The following KIF9 variants were observed in gnomAD, a reference collection of about 807,000 sequenced individuals.
The protein encoded by KIF9 is kinesin-like protein KIF9.
KIF9 carries 68 observed loss-of-function variants against 94.8 expected under a neutral mutation model. That is an observed-to-expected ratio of 0.72 (90% CI 0.59 to 0.88). The LOEUF (loss-of-function observed/expected upper bound fraction) is 0.88. KIF9 is among the 40% of genes least tolerant of loss of function. The probability of loss-of-function intolerance (pLI) is 0.00; values close to 1 mark genes in which losing one functional copy is unlikely to be tolerated. For synonymous variants in KIF9, 343 were observed against 362.1 expected, an observed-to-expected ratio of 0.95 and a Z score of 0.60; for missense variants, 882 against 982.5, an observed-to-expected ratio of 0.90 and a Z score of 1.37.
intron 9 of KIF9, among the ~76,000 whole-genome samples, chr3:47,261,372 T>A (rs1700962921): frequency 6.6e-6 from 1 of 152,000 alleles, no homozygotes; most frequent in African/African-American, 2.4e-5. Context: ...CCAAGGATAA[T>A]TATGGCTGGA....
At chr3:47,263,376 T>C (rs547310951) in intron 9 of KIF9, among the ~76,000 whole-genome samples, 2 of 152,146 alleles carry the variant, frequency 1.3e-5, no homozygotes, top group South Asian at 4.1e-4. Flanking sequence ...TTGGATAATC[T>C]CCCTGACTAA....
intron 17 of KIF9, among the ~76,000 whole-genome samples, chr3:47,236,849 G>T (rs1038346217): frequency 5.9e-5 from 9 of 152,204 alleles, no homozygotes; most frequent in Non-Finnish European, 2.9e-5. Context: ...GCATTTTAGG[G>T]CAAACAAGAG....
At position 47,241,884 on chromosome 3, in the gene KIF9, A is replaced by AT. The variant is rs199875749; in HGVS notation, c.1710-870dup. Among the ~76,000 whole-genome samples the AT allele has an allele frequency of 6.4e-3, 733 of 114,268 alleles. 14 individuals are homozygous for AT. Among genetic ancestry groups the AT allele is most frequent in the African/African-American group, 0.024 (674 of 27,946 alleles). 75.0% of individuals were successfully genotyped at this position (114,268 alleles called of 152,430 possible). A position where few individuals can be genotyped will look rare whatever the true frequency, so the allele number is the denominator to read the frequency against. On this transcript the variant is annotated intron_variant, in intron 16 of 20. Transcript: ENST00000684063. ...TATACACATATATATATATATATAT[A>AT]TTTTTTTTTTTTTTTCTTTGGAGAC...
chr3:47,247,563 T>C, intron 11 of KIF9, 86 bp from the exon 12 acceptor site: 1 of 1,029,392 alleles, frequency 9.7e-7, no homozygotes, highest in Non-Finnish European at 1.5e-6. Flanking sequence ...AGAGGCAAAG[T>C]GGGGAGGCTG....
At chr3:47,260,926 G>GGTGGACT (rs1282362516) in intron 9 of KIF9, among the ~76,000 whole-genome samples, 1 of 152,244 alleles carries the variant, frequency 6.6e-6, no homozygotes, top group Non-Finnish European at 1.5e-5. Flanking sequence ...CAACATCTCA[G>GGTGGACT]GTGGACTGAG....
intron 20 of KIF9, among the ~76,000 whole-genome samples, chr3:47,232,685 A>C (rs1698685597): frequency 6.6e-6 from 1 of 152,078 alleles, no homozygotes; most frequent in Non-Finnish European, 1.5e-5. Flanking sequence ...ACCTACAAAA[A>C]ACTATAAGGA....
chr3:47,265,894 A>C lies in KIF9; in HGVS notation c.769-17T>G. The C allele has an allele frequency of 6.2e-7, 1 of 1,614,094 alleles. No individual in the cohort carries two copies. The highest frequency in any genetic ancestry group is 8.5e-7 in the Non-Finnish European group (1 of 1,179,948). On this transcript the variant is annotated splice_polypyrimidine_tract_variant and intron_variant, in intron 7 of 20. Coordinates refer to ENST00000684063, the MANE Select transcript of KIF9 (RefSeq NM_182902.4). ...GCCCTCAGACTACAAAGCAAAGGTCAGTTCCACTTTGGATGGAATAAAGCA... is the reference window on the plus strand; with the variant it reads ...GCCCTCAGACTACAAAGCAAAGGTCCGTTCCACTTTGGATGGAATAAAGCA...
At position 47,243,060 on chromosome 3, in the gene KIF9, C is replaced by T. The variant is rs753372946; in HGVS notation, c.1700G>A (p.Arg567His). 1.0e-5 allele frequency: 16 copies of T among 1,604,818 alleles called. No individual in the cohort carries two copies. Among genetic ancestry groups the T allele is most frequent in the African/African-American group, 2.7e-5 (2 of 74,814 alleles). ...AACATTAGCTGATTACCTAATTGGG[C>T]GTAATTCCTCCTTCGGGGAGTCTGA... ...LPSDSPKEEL[R>H]PIRPDTPPSK... is the part of the protein sequence containing the mutation. The change falls in exon 16 of 21, where the codon CGC (arginine) becomes CAC (histidine). Residue 567 changes from arginine to histidine, a missense_variant. Coordinates refer to ENST00000684063, the MANE Select transcript of KIF9 (RefSeq NM_182902.4).
chr3:47,236,346 G>A (rs945792926), intron 18 of KIF9, 97 bp downstream of exon 18: 32 of 1,384,244 alleles, frequency 2.3e-5, no homozygotes, highest in Non-Finnish European at 3.2e-5. Flanking sequence ...GGCTCTGCCA[G>A]AGAGAAACTC....
rs758513292 is a variant in KIF9 at position 47,244,820 on chromosome 3, C to G, written c.1485G>C (p.Lys495Asn). Reference sequence around the variant, plus strand: ...GTGGCTCTTTGAATGTCTTCTTGGACTTGGCTTTCTTCCCAGGTTTGGTAG... The same window carrying G: ...GTGGCTCTTTGAATGTCTTCTTGGAGTTGGCTTTCTTCCCAGGTTTGGTAG... ...PFSTKPGKKA[K>N]SKKTFKEPLS... The change falls in exon 15 of 21, where the codon AAG (lysine) becomes AAC (asparagine). Residue 495 changes from lysine (K) to asparagine (N), a missense_variant. By Grantham distance (94) the Lys-to-Asn change is moderately conservative (BLOSUM62 0). Transcript: ENST00000684063. The G allele has an allele frequency of 3.5e-5, 56 of 1,613,984 alleles. No homozygotes were observed. Among genetic ancestry groups the G allele is most frequent in the Admixed American group, 5.0e-5 (3 of 60,006 alleles).
At position 47,266,303 on chromosome 3, in the gene KIF9, T is replaced by C. The variant is rs142719904; in HGVS notation, c.769-426A>G. On this transcript the variant is annotated intron_variant, in intron 7 of 20. Coordinates refer to ENST00000684063, the MANE Select transcript of KIF9 (RefSeq NM_182902.4). ...ACTTCTGCTAATACACTCATACAAA[T>C]ATTTATTTGAAATACTCATGCAAAT... Among the ~76,000 whole-genome samples, 610 of 152,320 alleles carry C rather than the reference T, an allele frequency of 4.0e-3. 3 individuals carry two copies. The highest frequency in any genetic ancestry group is 6.8e-3 in the Middle Eastern group (2 of 294).
intron 19 of KIF9, 92 bp downstream of exon 19, chr3:47,235,942 C>T: frequency 1.0e-6 from 1 of 960,622 alleles, no homozygotes; most frequent in Non-Finnish European, 1.6e-6. Flanking sequence ...ACCACACACA[C>T]TGCCATCTTT....
intron 20 of KIF9, among the ~76,000 whole-genome samples, chr3:47,232,410 G>A (rs992399375): frequency 1.3e-5 from 2 of 151,608 alleles, no homozygotes; most frequent in Non-Finnish European, 2.9e-5. Flanking sequence ...TCAGCCTCCC[G>A]AGTAGCTGGA....
At chr3:47,241,824 TACAC>T (rs1164007665) in intron 16 of KIF9, among the ~76,000 whole-genome samples, 2 of 143,972 alleles carry the variant, frequency 1.4e-5, no homozygotes, top group Non-Finnish European at 3.0e-5. Flanking sequence ...TGTATATATA[TACAC>T]ACACACATAT....
Position 47,271,417 on chromosome 3 carries a change from C to T in KIF9, c.411G>A (p.Val137=), listed in dbSNP as rs35432631. 5.3e-4 allele frequency: 854 copies of T among 1,614,018 alleles called. 13 individuals carry two copies. In the South Asian group the frequency reaches 8.7e-3, roughly 16 times the overall value. The change falls in exon 5 of 21, where the codon GTG becomes GTA. Residue 137 remains valine, a synonymous_variant. Coordinates refer to ENST00000684063, the MANE Select transcript of KIF9 (RefSeq NM_182902.4). ...TATAGATTTCCAAGTAGGAAACACGCACAGTGATGGCATGTGTGGGGCGTT... is the reference window on the plus strand; with the variant it reads ...TATAGATTTCCAAGTAGGAAACACGTACAGTGATGGCATGTGTGGGGCGTT... ...IEERPTHAIT[V]RVSYLEIYNE...
chr3:47,247,303 G>A, intron 12 of KIF9, 70 bp downstream of exon 12: 1 of 997,036 alleles, frequency 1.0e-6, no homozygotes, highest in South Asian at 1.3e-5. Context: ...AGCAGAGCAT[G>A]CGTTGGGGTG....
chr3:47,279,621 TA>T (rs752496110), intron 1 of KIF9, among the ~76,000 whole-genome samples: 26 of 151,714 alleles, frequency 1.7e-4, no homozygotes, highest in East Asian at 1.2e-3. Context: ...TATTTTATTT[TA>T]TTTTTTTTTT....
intron 16 of KIF9, among the ~76,000 whole-genome samples, chr3:47,241,840 T>TAA (rs1215740136): frequency 6.4e-5 from 8 of 124,758 alleles, no homozygotes; most frequent in East Asian, 4.5e-4. Context: ...CACACATATA[T>TAA]AAAATATATA....
intron 17 of KIF9, among the ~76,000 whole-genome samples, chr3:47,237,186 C>T (rs1395547688): frequency 6.6e-6 from 1 of 152,152 alleles, no homozygotes; most frequent in Non-Finnish European, 1.5e-5. Context: ...CTCTGCCTCC[C>T]GAGTTCAAGC....
Sources: gnomAD v4.1 joint callset for allele counts (sites outside exome capture counted in the v4.1 genomes callset) on GRCh38, gnomAD v4.1.1 for gene constraint, MANE v1.5 for transcripts, NCBI Gene and HGNC (gene_info 2026-07-23, HGNC 2026-07-21) for gene names.